The following B3GALT1 variants were observed in gnomAD, a reference collection of about 807,000 sequenced individuals.
B3GALT1 encodes the protein beta-1,3-galactosyltransferase 1, also known as UDP-Gal:betaGlcNAc beta 1,3-galactosyltransferase, polypeptide 1.
B3GALT1 carries 10 observed loss-of-function variants against 23.2 expected under a neutral mutation model. The ratio of observed to expected loss-of-function variants is 0.43; its 90% CI spans 0.27 to 0.73. The LOEUF is 0.73. Ranked by LOEUF, B3GALT1 falls within the 30% of genes least tolerant of loss-of-function variation. The pLI, the probability that B3GALT1 is intolerant of heterozygous loss-of-function variation, is 0.21. For synonymous variants in B3GALT1, 156 were observed against 141.5 expected (o/e 1.10, Z -0.73); for missense variants, 299 against 405.4 (o/e 0.74, Z 2.25).
chr2:167,323,958 C>G (rs1282337848), intron 1 of B3GALT1, among the ~76,000 whole-genome samples: 1 of 151,976 alleles, frequency 6.6e-6, no homozygotes, highest in Non-Finnish European at 1.5e-5. Context: ...GTTGCCCAAT[C>G]CCATTTTGAA....
chr2:167,388,125 G>A (rs1294024296), intron 1 of B3GALT1, among the ~76,000 whole-genome samples: 1 of 152,102 alleles, frequency 6.6e-6, no homozygotes, highest in African/African-American at 2.4e-5. Context: ...GGAGACCTTC[G>A]GAGGCATTAG....
At chr2:167,843,260 G>T (rs1689685994) in intron 4 of B3GALT1, among the ~76,000 whole-genome samples, 5 of 152,186 alleles carry the variant, frequency 3.3e-5, no homozygotes, top group Admixed American at 3.3e-4. Flanking sequence ...TTATATGAAA[G>T]ATTATTTCAA....
At chr2:167,847,457 T>A (rs1328779858) in intron 4 of B3GALT1, among the ~76,000 whole-genome samples, 1 of 152,156 alleles carries the variant, frequency 6.6e-6, no homozygotes, top group Non-Finnish European at 1.5e-5. Context: ...TGCAAATACA[T>A]GGAAATTAAA....
chr2:167,832,456 T>G (rs1689372178), intron 4 of B3GALT1, among the ~76,000 whole-genome samples: 1 of 152,186 alleles, frequency 6.6e-6, no homozygotes, highest in South Asian at 2.1e-4. Context: ...ACAATGGGAA[T>G]GGGGACAAAA....
At chr2:167,523,447 G>A (rs1382683273) in intron 2 of B3GALT1, among the ~76,000 whole-genome samples, 5 of 148,648 alleles carry the variant, frequency 3.4e-5, no homozygotes, top group African/African-American at 9.9e-5. Flanking sequence ...TTTTTGAGAC[G>A]GAGTTTTTGC....
intron 1 of B3GALT1, among the ~76,000 whole-genome samples, chr2:167,417,375 G>T (rs1698487350): frequency 1.3e-5 from 2 of 152,148 alleles, no homozygotes; most frequent in African/African-American, 2.4e-5. Context: ...TTGGGACTCT[G>T]CCCAGTTCCC....
chr2:167,356,228 T>C (rs749796196), intron 1 of B3GALT1, among the ~76,000 whole-genome samples: 61 of 152,314 alleles, frequency 4.0e-4, no homozygotes, highest in Admixed American at 2.0e-3. Context: ...AATGGAGATA[T>C]TTTGCATGTA....
intron 1 of B3GALT1, among the ~76,000 whole-genome samples, chr2:167,400,188 G>GTGTGTGTGTGTGTGTGTC (rs1450130387): frequency 6.6e-6 from 1 of 151,658 alleles, no homozygotes; most frequent in South Asian, 2.1e-4. Context: ...GTGTGTGTGT[G>GTGTGTGTGTGTGTGTGTC]TGTGTCTGTG....
intron 3 of B3GALT1, among the ~76,000 whole-genome samples, chr2:167,679,976 G>A (rs942046494): frequency 3.3e-5 from 5 of 152,062 alleles, no homozygotes; most frequent in African/African-American, 9.7e-5. Flanking sequence ...ATCTGATATT[G>A]GTCTTTCCAG....
intron 1 of B3GALT1, among the ~76,000 whole-genome samples, chr2:167,429,477 A>T (rs1698675567): frequency 6.6e-6 from 1 of 152,178 alleles, no homozygotes. Flanking sequence ...AAAGATAAAC[A>T]TGAACCAAGT....
chr2:167,802,081 G>C (rs1321034263), intron 3 of B3GALT1, among the ~76,000 whole-genome samples: 2 of 152,184 alleles, frequency 1.3e-5, no homozygotes, highest in African/African-American at 4.8e-5. Context: ...GCACACATAG[G>C]CAGCTGTGCC....
At chr2:167,809,268 C>G (rs1023859637) in intron 3 of B3GALT1, among the ~76,000 whole-genome samples, 4 of 152,140 alleles carry the variant, frequency 2.6e-5, no homozygotes, top group Non-Finnish European at 5.9e-5. Flanking sequence ...TCGTCTGAAG[C>G]CTTCTTCTCT....
rs374598412 is a variant in B3GALT1 at position 167,373,170 on chromosome 2, T to C, written c.-511+79836T>C. 3.4e-4 allele frequency among the ~76,000 whole-genome samples: 52 copies of C among 152,140 alleles called. 1 individual carries two copies. The East Asian group carries it at 8.1e-3, about 24-fold the overall frequency. ...GTTTCAAAGCAATTGGATAAGTTTA[T>C]GAGAAAAAAAGAATCCCACCTTTGT... On this transcript the variant is annotated intron_variant, in intron 1 of 4. Coordinates refer to ENST00000392690, the MANE Select transcript of B3GALT1 (RefSeq NM_020981.4).
At chr2:167,463,243 T>C (rs1699292617) in intron 1 of B3GALT1, among the ~76,000 whole-genome samples, 1 of 152,168 alleles carries the variant, frequency 6.6e-6, no homozygotes, top group Non-Finnish European at 1.5e-5. Flanking sequence ...AAGGGCAGAA[T>C]CTTTTATTTT....
intron 3 of B3GALT1, among the ~76,000 whole-genome samples, chr2:167,762,275 T>A (rs1336745412): frequency 6.6e-6 from 1 of 152,156 alleles, no homozygotes; most frequent in African/African-American, 2.4e-5. Flanking sequence ...ACAATACCAA[T>A]ACATACAAGA....
At chr2:167,806,504 C>T (rs4667981) in intron 3 of B3GALT1, among the ~76,000 whole-genome samples, 36,068 of 151,940 alleles carry the variant, frequency 0.24, 4,943 homozygotes, top group African/African-American at 0.36. Context: ...CAATACCTAA[C>T]TTATTGAGAG....
intron 2 of B3GALT1, among the ~76,000 whole-genome samples, chr2:167,540,633 C>T (rs1381088611): frequency 6.6e-6 from 1 of 152,164 alleles, no homozygotes; most frequent in Non-Finnish European, 1.5e-5. Flanking sequence ...CAACTTGTCT[C>T]TTTTTCATTG....
At chr2:167,569,313 A>G (rs942536156) in intron 2 of B3GALT1, among the ~76,000 whole-genome samples, 3 of 151,964 alleles carry the variant, frequency 2.0e-5, no homozygotes, top group South Asian at 2.1e-4. Flanking sequence ...ACATCTTCCT[A>G]TCTTCCTGGT....
chr2:167,523,566 C>T (rs1683158813), intron 2 of B3GALT1, among the ~76,000 whole-genome samples: 1 of 152,068 alleles, frequency 6.6e-6, no homozygotes, highest in African/African-American at 2.4e-5. Flanking sequence ...GCTGGGATTA[C>T]AGGTGTGCAC....
Sources: allele counts gnomAD v4.1 joint callset (sites outside exome capture counted in the v4.1 genomes callset), GRCh38; gene constraint gnomAD v4.1.1; transcripts MANE v1.5; gene names NCBI Gene and HGNC (gene_info 2026-07-23, HGNC 2026-07-21).